The following PRKAG2 variants were observed in gnomAD, a reference collection of about 807,000 sequenced individuals.
PRKAG2 encodes protein kinase AMP-activated non-catalytic subunit gamma 2.
In PRKAG2, 26 loss-of-function variants were observed where a neutral mutation model predicts 69.6. The observed-to-expected ratio is 0.37, with a 90% CI of 0.27 to 0.52. PRKAG2 has a LOEUF of 0.52. Among genes scored for constraint, PRKAG2 ranks in the 20% least tolerant of loss-of-function variants. The pLI is 0.90. For missense variants in PRKAG2, 557 were observed against 740.0 expected (o/e 0.75, Z 2.87); for synonymous variants, 293 against 285.0 (o/e 1.03, Z -0.28).
chr7:151,865,362 A>G (rs2151909490), intron 1 of PRKAG2, among the ~76,000 whole-genome samples: 1 of 152,372 alleles, frequency 6.6e-6, no homozygotes, highest in East Asian at 1.9e-4. Context: ...GCCAGCCCCA[A>G]CCACGAGAAC....
At chr7:151,703,305 G>A (rs1170724055) in intron 3 of PRKAG2, among the ~76,000 whole-genome samples, 1 of 152,214 alleles carries the variant, frequency 6.6e-6, no homozygotes, top group Non-Finnish European at 1.5e-5. Flanking sequence ...TCCTGCAGCT[G>A]CTTTTCAATG....
intron 15 of PRKAG2, chr7:151,560,307 T>C (rs1035282128): frequency 6.9e-7 from 1 of 1,455,388 alleles, no homozygotes; most frequent in Non-Finnish European, 9.1e-7. Flanking sequence ...CTTGATAGGA[T>C]GCTCTTAACT....
At chr7:151,764,476 G>A (rs183824651) in intron 3 of PRKAG2, among the ~76,000 whole-genome samples, 25 of 152,320 alleles carry the variant, frequency 1.6e-4, no homozygotes, top group Non-Finnish European at 3.5e-4. Context: ...TGAGGGCCTA[G>A]GGACCTGCTA....
intron 6 of PRKAG2, among the ~76,000 whole-genome samples, chr7:151,582,579 G>A (rs73156300): frequency 0.15 from 22,114 of 152,188 alleles, 1,737 homozygotes; most frequent in East Asian, 0.27. Flanking sequence ...CAAGGCTCAC[G>A]GAAGCACGTG....
Position 151,764,239 on chromosome 7 carries a change from A to C in PRKAG2, c.466+16913T>G, listed in dbSNP as rs1002520082. Among the ~76,000 whole-genome samples, 3 of 152,152 alleles carry C rather than the reference A, an allele frequency of 2.0e-5. No individual in the cohort carries two copies. In the South Asian group the frequency reaches 6.2e-4, roughly 31 times the overall value. On this transcript the variant is annotated intron_variant, in intron 3 of 15. Coordinates refer to ENST00000287878, the MANE Select transcript of PRKAG2 (RefSeq NM_016203.4). ...CAGCAGCCGCTTTGACAGATCTGCA[A>C]TCACAGCTCTAATGGCCACAGGGGA...
intron 14 of PRKAG2, among the ~76,000 whole-genome samples, chr7:151,561,621 G>T (rs1804973136): frequency 1.3e-5 from 2 of 152,206 alleles, no homozygotes; most frequent in Non-Finnish European, 2.9e-5. Flanking sequence ...GAAGGGAGCG[G>T]CGTTGCTATT....
chr7:151,746,637 G>A (rs970418825), intron 3 of PRKAG2, among the ~76,000 whole-genome samples: 7 of 152,244 alleles, frequency 4.6e-5, no homozygotes, highest in African/African-American at 1.2e-4. Context: ...CAAGGTGCCC[G>A]AAAGGACCTC....
intron 4 of PRKAG2, among the ~76,000 whole-genome samples, chr7:151,673,083 TC>T (rs1251873941): frequency 1.3e-5 from 2 of 152,136 alleles, no homozygotes; most frequent in African/African-American, 2.4e-5. Flanking sequence ...CCCAGAGCAC[TC>T]CCTGTATTCT....
Position 151,748,859 on chromosome 7 carries a change from G to C in PRKAG2, c.466+32293C>G, listed in dbSNP as rs540180841. On this transcript the variant is annotated intron_variant, in intron 3 of 15. Coordinates refer to ENST00000287878, the MANE Select transcript of PRKAG2 (RefSeq NM_016203.4). Reference sequence around the variant, plus strand: ...CGTGCCACCTGGCCTTCGCCCCGCCGCGCCCGCAGCCAGAGAGATGAGCTG... The same window carrying C: ...CGTGCCACCTGGCCTTCGCCCCGCCCCGCCCGCAGCCAGAGAGATGAGCTG... Among the ~76,000 whole-genome samples, 147 of 152,362 alleles carry C rather than the reference G, an allele frequency of 9.6e-4. 1 individual carries two copies. The highest frequency in any genetic ancestry group is 3.2e-3 in the African/African-American group (133 of 41,590).
intron 1 of PRKAG2, among the ~76,000 whole-genome samples, chr7:151,856,818 G>C (rs1208225201): frequency 6.6e-5 from 10 of 152,146 alleles, no homozygotes; most frequent in Non-Finnish European, 1.0e-4. Context: ...CAAGGCAGGT[G>C]TTTCAAGTCT....
At chr7:151,678,891 G>A (rs79685349) in intron 3 of PRKAG2, among the ~76,000 whole-genome samples, 54,601 of 151,894 alleles carry the variant, frequency 0.36, 9,978 homozygotes, top group Middle Eastern at 0.39. Flanking sequence ...CCCAAGAGGC[G>A]GAGGTTGCAG....
At position 151,632,036 on chromosome 7, in the gene PRKAG2, G is replaced by C; in HGVS notation, c.754+33C>G. On this transcript the variant is annotated intron_variant, in intron 5 of 15. Transcript: ENST00000287878. The surrounding 1 kb of genome is among the most constrained non-coding windows in gnomAD (Gnocchi z 4.2). ...GTCCTCGGGCGGCCGGGCCGTGGGA[G>C]CGCCGGGCCGGCAGCGGGCGGGGCG... 7.6e-7 allele frequency: 1 copy of C among 1,318,030 alleles called. No individual in the cohort carries two copies. Among genetic ancestry groups the C allele is most frequent in the Non-Finnish European group, 9.8e-7 (1 of 1,021,916 alleles). The allele number at this position is 1,318,030 out of a possible 1,614,324, so 81.6% of individuals were successfully genotyped here. A position where few individuals can be genotyped will look rare whatever the true frequency, so the allele number is the denominator to read the frequency against.
At chr7:151,858,378 T>A (rs1441379233) in intron 1 of PRKAG2, among the ~76,000 whole-genome samples, 4 of 152,266 alleles carry the variant, frequency 2.6e-5, no homozygotes, top group African/African-American at 9.6e-5. Flanking sequence ...TACTGGCTCC[T>A]TGGAGCTTTA....
At chr7:151,705,408 G>A (rs1162888640) in intron 3 of PRKAG2, among the ~76,000 whole-genome samples, 1 of 152,160 alleles carries the variant, frequency 6.6e-6, no homozygotes, top group East Asian at 1.9e-4. Context: ...GGGAAAGTTG[G>A]CTGGCAAGCA....
intron 5 of PRKAG2, among the ~76,000 whole-genome samples, chr7:151,619,856 A>G (rs961189875): frequency 3.9e-5 from 6 of 152,094 alleles, no homozygotes; most frequent in Non-Finnish European, 8.8e-5. Flanking sequence ...CCCCATCTCT[A>G]CTAAAAATAC....
intron 3 of PRKAG2, among the ~76,000 whole-genome samples, chr7:151,747,918 C>CTT (rs34915377): frequency 7.6e-4 from 87 of 114,230 alleles, no homozygotes; most frequent in East Asian, 4.3e-3. Context: ...AAAAAACTTA[C>CTT]TTTTTTTTTT....
At chr7:151,773,023 A>AGAG (rs1436077847) in intron 3 of PRKAG2, among the ~76,000 whole-genome samples, 41 of 55,094 alleles carry the variant, frequency 7.4e-4, no homozygotes, top group Non-Finnish European at 1.1e-3. Context: ...GAAAGAAAGA[A>AGAG]AGAGAGAGAG....
chr7:151,560,066 C>G, intron 15 of PRKAG2: 1 of 984,932 alleles, frequency 1.0e-6, no homozygotes, highest in Non-Finnish European at 1.2e-6. Context: ...GATTTCTGTA[C>G]AATATTAATG....
At chr7:151,627,159 C>T (rs1049763355) in intron 5 of PRKAG2, among the ~76,000 whole-genome samples, 2 of 152,152 alleles carry the variant, frequency 1.3e-5, no homozygotes, top group African/African-American at 4.8e-5. Context: ...AAAACAAAGC[C>T]CGGAGAGGCC....
Sources: gnomAD v4.1 joint callset for allele counts (sites outside exome capture counted in the v4.1 genomes callset) on GRCh38, gnomAD v4.1.1 for gene constraint, Gnocchi (gnomAD v3.1) non-coding constraint, MANE v1.5 for transcripts, NCBI Gene and HGNC (gene_info 2026-07-23, HGNC 2026-07-21) for gene names.